Variants in DNAH6 observed in about 807,000 individuals in gnomAD.
The protein encoded by DNAH6 is dynein axonemal heavy chain 6.
In DNAH6, 340 loss-of-function variants were observed where a neutral mutation model predicts 491.4. The observed-to-expected ratio is 0.69, with a 90% CI of 0.63 to 0.76. The LOEUF (loss-of-function observed/expected upper bound fraction) is 0.76. DNAH6 is among the 30% of genes least tolerant of loss of function. The pLI is 0.00. For synonymous variants in DNAH6, 1,603 were observed against 1,686.1 expected (o/e 0.95, Z 1.21); for missense variants, 4,443 against 4,972.2 (o/e 0.89, Z 3.20).
intron 22 of DNAH6, among the ~76,000 whole-genome samples, chr2:84,615,837 T>G (rs1362770611): frequency 6.6e-6 from 1 of 152,092 alleles, no homozygotes; most frequent in Non-Finnish European, 1.5e-5. Flanking sequence ...GAGTTCTTGA[T>G]TTGACTTTCA....
At chr2:84,460,577 G>A in the DNAH6 span, among the ~76,000 whole-genome samples, 2 of 152,116 alleles carry the variant, frequency 1.3e-5, no homozygotes, top group Non-Finnish European at 2.9e-5. Context: ...CCATGAAGAC[G>A]GGGATTTTTG....
intron 65 of DNAH6, among the ~76,000 whole-genome samples, chr2:84,783,441 G>GT (rs1451798150): frequency 1.3e-5 from 2 of 152,146 alleles, no homozygotes; most frequent in Non-Finnish European, 2.9e-5. Context: ...TCTTTCTTTG[G>GT]TTTTTTGGTT....
intron 4 of DNAH6, among the ~76,000 whole-genome samples, chr2:84,542,375 A>G (rs554809453): frequency 6.6e-6 from 1 of 152,356 alleles, no homozygotes; most frequent in African/African-American, 2.4e-5. Context: ...AGAAAAGGAA[A>G]GACATGTAAA....
At chr2:84,520,375 A>G (rs1676028797) in intron 2 of DNAH6, among the ~76,000 whole-genome samples, 1 of 152,104 alleles carries the variant, frequency 6.6e-6, no homozygotes, top group African/African-American at 2.4e-5. Flanking sequence ...TGCATAGGTG[A>G]AACTGCACCT....
At chr2:84,654,370 A>G (rs534466350) in intron 34 of DNAH6, among the ~76,000 whole-genome samples, 1 of 152,268 alleles carries the variant, frequency 6.6e-6, no homozygotes, top group South Asian at 2.1e-4. Flanking sequence ...ACAAGAATGA[A>G]CAGGAGAAAA....
In DNAH6 at chr2:84,546,962, A is replaced by G. The variant is rs555901949; in HGVS notation, c.931-306A>G. Among the ~76,000 whole-genome samples the G allele has an allele frequency of 3.9e-5, 6 of 152,332 alleles. No homozygotes were observed. The East Asian group carries it at 1.2e-3, about 29-fold the overall frequency. ...TTGTAAAGTACTTAAGGTAACACCC[A>G]GTTTTCTATTACTTGCCCTCAGTTC... On this transcript the variant is annotated intron_variant, in intron 5 of 76. Coordinates refer to ENST00000389394, the MANE Select transcript of DNAH6 (RefSeq NM_001370.2).
At chr2:84,707,892 C>A (rs1250675963) in intron 54 of DNAH6, among the ~76,000 whole-genome samples, 176 bp downstream of exon 54, 1 of 152,188 alleles carries the variant, frequency 6.6e-6, no homozygotes, top group Non-Finnish European at 1.5e-5. Flanking sequence ...TGGTCTACCC[C>A]TAGGCTTTCC....
intron 41 of DNAH6, among the ~76,000 whole-genome samples, chr2:84,677,466 G>A (rs1693355520): frequency 6.6e-6 from 1 of 152,124 alleles, no homozygotes; most frequent in African/African-American, 2.4e-5. Context: ...CCCAGCCCCT[G>A]CCTTTGTGCT....
intron 70 of DNAH6, among the ~76,000 whole-genome samples, chr2:84,802,415 C>G (rs1307000630): frequency 6.6e-6 from 1 of 152,074 alleles, no homozygotes; most frequent in Non-Finnish European, 1.5e-5. Context: ...ATTCTTGTAT[C>G]AGAGAAATCA....
At chr2:84,524,009 T>G (rs961430668) in intron 2 of DNAH6, among the ~76,000 whole-genome samples, 3 of 151,906 alleles carry the variant, frequency 2.0e-5, no homozygotes, top group African/African-American at 7.3e-5. Context: ...TGTGTTAATT[T>G]TCTGACTTGA....
chr2:84,794,259 A>G (rs1678085173), intron 68 of DNAH6, among the ~76,000 whole-genome samples: 2 of 152,238 alleles, frequency 1.3e-5, no homozygotes, highest in Non-Finnish European at 2.9e-5. Flanking sequence ...TTCAGGACAT[A>G]GGCATGGGCA....
Position 84,681,455 on chromosome 2 carries a change from T to C in DNAH6, c.6843T>C (p.Ser2281=), listed in dbSNP as rs1693766544. The C allele has an allele frequency of 6.4e-7, 1 of 1,551,366 alleles. No homozygotes were observed. The highest frequency in any genetic ancestry group is 8.7e-7 in the Non-Finnish European group (1 of 1,146,866). ...EASVEIYNKM[S]VDLLPTPAKS... is the part of the protein sequence containing the mutation. ...CAGTTGAGATTTATAACAAAATGAG[T>C]GTTGACCTCCTGCCAACACCCGCCA... The change falls in exon 42 of 77, where the codon AGT becomes AGC. Residue 2281 remains serine, a synonymous_variant. Transcript: ENST00000389394.
chr2:84,750,400 G>A (rs1257938147), intron 63 of DNAH6, among the ~76,000 whole-genome samples: 1 of 151,978 alleles, frequency 6.6e-6, no homozygotes, highest in African/African-American at 2.4e-5. Flanking sequence ...ACCCAGGCTG[G>A]TCTTGAACTC....
At position 84,605,583 on chromosome 2, in the gene DNAH6, T is replaced by G. The variant is rs1685681899; in HGVS notation, c.3165T>G (p.Asp1055Glu). ...SKDVFILGGT[D>E]DIQVLLDDST... Reference sequence around the variant, plus strand: ...ATGTGTTTATACTGGGCGGCACAGATGACATACAGGTGGGTAACTGGGTTA... The same window carrying G: ...ATGTGTTTATACTGGGCGGCACAGAGGACATACAGGTGGGTAACTGGGTTA... Residue 1055 changes from aspartate to glutamate, a missense_variant, in exon 20 of 77, where the codon GAT becomes GAG. This residue lies in a region of DNAH6 where 2,977 missense variants were observed against 3,296.6 expected (regional missense o/e 0.90). Transcript: ENST00000389394. 6.4e-7 allele frequency: 1 copy of G among 1,550,508 alleles called. No homozygotes were observed. The highest frequency in any genetic ancestry group is 8.7e-7 in the Non-Finnish European group (1 of 1,146,026).
chr2:84,798,228 C>G (rs1277092600), intron 70 of DNAH6, among the ~76,000 whole-genome samples: 2 of 152,154 alleles, frequency 1.3e-5, no homozygotes, highest in Admixed American at 6.5e-5. Flanking sequence ...CTTCAGCATG[C>G]ACTCGAAGCT....
intron 10 of DNAH6, among the ~76,000 whole-genome samples, chr2:84,557,133 C>T (rs989263990): frequency 6.6e-6 from 1 of 152,128 alleles, no homozygotes; most frequent in African/African-American, 2.4e-5. Context: ...CCATAGACTT[C>T]CTTGGCTTTC....
intron 51 of DNAH6, 150 bp from the exon 52 acceptor site, chr2:84,705,336 G>A: frequency 1.3e-6 from 1 of 749,586 alleles, no homozygotes. Flanking sequence ...TAATTGTGGT[G>A]CACCTAACTA....
intron 18 of DNAH6, 76 bp from the exon 19 acceptor site, chr2:84,604,263 C>A: frequency 8.3e-7 from 1 of 1,211,496 alleles, no homozygotes; most frequent in Non-Finnish European, 1.2e-6. Context: ...TCTACATGCA[C>A]AAATTGAAAC....
intron 67 of DNAH6, among the ~76,000 whole-genome samples, chr2:84,786,546 A>G (rs542330439): frequency 4.6e-5 from 7 of 152,328 alleles, no homozygotes; most frequent in African/African-American, 1.7e-4. Flanking sequence ...TCCGCTAACA[A>G]AAGCAGCTGA....
Sources: allele counts gnomAD v4.1 joint callset (sites outside exome capture counted in the v4.1 genomes callset), GRCh38; gene constraint gnomAD v4.1.1; regional missense constraint gnomAD v4.1.1; transcripts MANE v1.5; gene names NCBI Gene and HGNC (gene_info 2026-07-23, HGNC 2026-07-21).